The following ACTR3 variants were observed in gnomAD, a reference collection of about 807,000 sequenced individuals.
ACTR3 encodes actin-related protein 3.
ACTR3 carries 12 observed loss-of-function variants against 56.8 expected under a neutral mutation model. That is an observed-to-expected ratio of 0.21 (90% confidence interval 0.14 to 0.34). The LOEUF (loss-of-function observed/expected upper bound fraction) is 0.34. ACTR3 is among the 10% of genes least tolerant of loss of function. The probability of loss-of-function intolerance (pLI) is 1.00; values close to 1 mark genes in which losing one functional copy is unlikely to be tolerated. For synonymous variants in ACTR3, 162 were observed against 167.4 expected (o/e 0.97, Z 0.25); for missense variants, 282 against 512.5 (o/e 0.55, Z 4.34).
rs1230975125 is a variant in ACTR3, at chr2:113,942,483, G to A, written c.858+124G>A. 1.5e-5 allele frequency: 10 copies of A among 647,398 alleles called. No homozygotes were observed. In the South Asian group the frequency reaches 5.9e-4, roughly 38 times the overall value. The allele number at this position is 647,398 out of a possible 1,614,324, so 40.1% of individuals were successfully genotyped here. A position where few individuals can be genotyped will look rare whatever the true frequency, so the allele number is the denominator to read the frequency against. On this transcript the variant is annotated intron_variant, in intron 8 of 11. Coordinates refer to ENST00000263238, the MANE Select transcript of ACTR3 (RefSeq NM_005721.5). ...CTAAAAGTTTGAGTTTTTATGAAAA[G>A]TTTATAAAACATTTTATGAACTTTT...
Position 113,890,152 on chromosome 2 carries a change from C to A in ACTR3, c.-128C>A. The A allele has an allele frequency of 7.9e-7, 1 of 1,261,284 alleles. No homozygotes were observed. The highest frequency in any genetic ancestry group is 1.1e-6 in the Non-Finnish European group (1 of 891,684). 78.1% of individuals were successfully genotyped at this position (1,261,284 alleles called of 1,614,324 possible). Reference sequence around the variant, plus strand: ...TCTTGCTACTGCTTCGGCTTCCCGGCTACCCCCCGGACGGTGAAGGCGGCC... The same window carrying A: ...TCTTGCTACTGCTTCGGCTTCCCGGATACCCCCCGGACGGTGAAGGCGGCC... On this transcript the variant is annotated 5_prime_UTR_variant, in exon 1 of 12. Coordinates refer to ENST00000263238, the MANE Select transcript of ACTR3 (RefSeq NM_005721.5).
intron 10 of ACTR3, chr2:113,953,705 A>G (rs1680161182): frequency 6.6e-6 from 1 of 151,894 alleles, no homozygotes; most frequent in South Asian, 2.1e-4. Flanking sequence ...CACACACACT[A>G]AATTGTAGAT....
intron 1 of ACTR3, among the ~76,000 whole-genome samples, chr2:113,912,055 T>C (rs982427931): frequency 6.6e-6 from 1 of 152,124 alleles, no homozygotes; most frequent in Non-Finnish European, 1.5e-5. Flanking sequence ...TCTATAGTTT[T>C]AGTAGCGAGG....
intron 10 of ACTR3, chr2:113,954,421 T>A (rs1680173468): frequency 6.6e-6 from 1 of 152,178 alleles, no homozygotes; most frequent in African/African-American, 2.4e-5. Context: ...TTTTAAGACT[T>A]GTTTTACTAT....
intron 8 of ACTR3, among the ~76,000 whole-genome samples, chr2:113,945,248 T>G (rs777219102): frequency 9.2e-5 from 14 of 152,212 alleles, no homozygotes; most frequent in African/African-American, 2.4e-5. Context: ...CAAATAACAC[T>G]GACAGACTTA....
At chr2:113,915,684 T>A (rs540811614) in intron 2 of ACTR3, among the ~76,000 whole-genome samples, 1 of 152,246 alleles carries the variant, frequency 6.6e-6, no homozygotes. Flanking sequence ...GTTGGAGGCC[T>A]ATATAATCTT....
At chr2:113,936,383 TAGTAG>T (rs1212762671) in intron 6 of ACTR3, among the ~76,000 whole-genome samples, 1 of 151,944 alleles carries the variant, frequency 6.6e-6, no homozygotes, top group Non-Finnish European at 1.5e-5. Context: ...TCTTTAGAAT[TAGTAG>T]AGTATTTTTT....
At chr2:113,905,222 T>G (rs1679171375) in intron 1 of ACTR3, 1 of 152,224 alleles carries the variant, frequency 6.6e-6, no homozygotes, top group African/African-American at 2.4e-5. Flanking sequence ...ATTTTCTTGG[T>G]GGTAACTGCT....
intron 8 of ACTR3, among the ~76,000 whole-genome samples, chr2:113,949,870 G>GT (rs1680090570): frequency 1.3e-5 from 2 of 152,056 alleles, no homozygotes; most frequent in African/African-American, 2.4e-5. Context: ...GCTTCAAGTT[G>GT]TTTTTTGTTT....
At chr2:113,938,214 A>G (rs917604945) in intron 6 of ACTR3, among the ~76,000 whole-genome samples, 2 of 151,054 alleles carry the variant, frequency 1.3e-5, no homozygotes, top group Non-Finnish European at 3.0e-5. Flanking sequence ...TATATCTTCC[A>G]TTTCTCTCTT....
chr2:113,924,940 A>G (rs2104603457), intron 3 of ACTR3, among the ~76,000 whole-genome samples: 1 of 152,246 alleles, frequency 6.6e-6, no homozygotes, highest in East Asian at 1.9e-4. Flanking sequence ...TCTGTTGCCC[A>G]GGCTGGAGTG....
chr2:113,954,508 G>C lies in ACTR3; in HGVS notation c.1078-1115G>C, dbSNP rs1451302536. The C allele has an allele frequency of 4.6e-5, 7 of 150,540 alleles. No homozygotes were observed. The South Asian group carries it at 1.5e-3, about 31-fold the overall frequency. 9.3% of individuals were successfully genotyped at this position (150,540 alleles called of 1,614,324 possible). On this transcript the variant is annotated intron_variant, in intron 10 of 11. Coordinates refer to ENST00000263238, the MANE Select transcript of ACTR3 (RefSeq NM_005721.5). ...ATATGAACTCCTGATTTCTCATTTT[G>C]TGGTCTATATCTTTAATATCACTGT...
intron 1 of ACTR3, among the ~76,000 whole-genome samples, chr2:113,911,664 T>G (rs553273886): frequency 1.2e-4 from 18 of 150,144 alleles, no homozygotes; most frequent in African/African-American, 3.7e-4. Context: ...AGTGATCCTC[T>G]CTCCTCGGCC....
intron 8 of ACTR3, among the ~76,000 whole-genome samples, chr2:113,949,098 C>T (rs1680072495): frequency 7.0e-6 from 1 of 143,468 alleles, no homozygotes; most frequent in Non-Finnish European, 1.5e-5. Context: ...TGGAAAAAGG[C>T]AGGGCGTGGT....
chr2:113,938,696 C>T (rs1679871287), intron 6 of ACTR3, among the ~76,000 whole-genome samples: 1 of 152,180 alleles, frequency 6.6e-6, no homozygotes, highest in South Asian at 2.1e-4. Flanking sequence ...TCCTTTCTCT[C>T]ACCTTGATGG....
intron 1 of ACTR3, among the ~76,000 whole-genome samples, chr2:113,891,112 C>G (rs988570471): frequency 2.0e-5 from 3 of 152,142 alleles, no homozygotes; most frequent in African/African-American, 7.2e-5. Flanking sequence ...AGTTTCCAAC[C>G]TGAGCACATC....
Position 113,951,483 on chromosome 2 carries a change from C to G in ACTR3, c.863C>G (p.Ala288Gly). 1.9e-6 allele frequency: 3 copies of G among 1,606,112 alleles called. No homozygotes were observed. Among genetic ancestry groups the G allele is most frequent in the Non-Finnish European group, 2.6e-6 (3 of 1,173,236 alleles). ...GPEIFFHPEF[A>G]NPDFTQPISE... ...TATATCCAACTTATTTTTCAGTTTG[C>G]TAATCCAGACTTTACACAACCTATC... Residue 288 changes from alanine (A) to glycine (G), a missense_variant, in exon 9 of 12, where the codon GCT becomes GGT. Transcript: ENST00000263238.
At chr2:113,953,403 G>A (rs539315524) in intron 10 of ACTR3, 1 of 152,126 alleles carries the variant, frequency 6.6e-6, no homozygotes, top group Non-Finnish European at 1.5e-5. Flanking sequence ...GAAATTCTGA[G>A]CATTTCCTTT....
chr2:113,893,829 A>G (rs753495677), intron 1 of ACTR3, among the ~76,000 whole-genome samples: 24 of 152,136 alleles, frequency 1.6e-4, no homozygotes, highest in Admixed American at 1.4e-3. Context: ...TCTTGGATAT[A>G]TTCATATCTG....
Sources: gnomAD v4.1 joint callset for allele counts (sites outside exome capture counted in the v4.1 genomes callset) on GRCh38, gnomAD v4.1.1 for gene constraint, MANE v1.5 for transcripts, NCBI Gene and HGNC (gene_info 2026-07-23, HGNC 2026-07-21) for gene names.